Variants in MAP4K4 observed in about 807,000 individuals in gnomAD.
MAP4K4 encodes mitogen-activated protein kinase kinase kinase kinase 4, also known as HPK/GCK-like kinase HGK.
A neutral mutation model predicts 189.6 loss-of-function variants in MAP4K4; 38 were observed. The observed-to-expected ratio is 0.20, with a 90% CI of 0.15 to 0.26. The LOEUF is 0.26. MAP4K4 is among the 10% of genes least tolerant of loss of function. The pLI, the probability that MAP4K4 is intolerant of heterozygous loss-of-function variation, is 1.00. For missense variants in MAP4K4, 1,054 were observed against 1,726.9 expected, an observed-to-expected ratio of 0.61 and a Z score of 6.91; for synonymous variants, 610 against 624.3, an observed-to-expected ratio of 0.98 and a Z score of 0.34.
chr2:101,769,332 G>C (rs1275998005), intron 2 of MAP4K4, among the ~76,000 whole-genome samples: 3 of 152,140 alleles, frequency 2.0e-5, no homozygotes, highest in Non-Finnish European at 4.4e-5. Context: ...GCAAGGTAAG[G>C]TCCCTGGCCT....
chr2:101,887,994 C>A, intron 31 of MAP4K4, 57 bp downstream of exon 31: 1 of 1,453,678 alleles, frequency 6.9e-7, no homozygotes, highest in East Asian at 2.3e-5. Flanking sequence ...GTCTGAGACT[C>A]CATTTATTTA....
intron 2 of MAP4K4, among the ~76,000 whole-genome samples, chr2:101,706,178 C>A (rs114279680): frequency 6.6e-6 from 1 of 152,134 alleles, no homozygotes; most frequent in African/African-American, 2.4e-5. Flanking sequence ...GCTGCTACAT[C>A]TGAAATTTAT....
At chr2:101,828,572 C>G (rs2096466290) in intron 5 of MAP4K4, among the ~76,000 whole-genome samples, 1 of 152,154 alleles carries the variant, frequency 6.6e-6, no homozygotes, top group Non-Finnish European at 1.5e-5. Context: ...AATTAGTATT[C>G]TAGAGGAGCT....
chr2:101,758,961 G>C (rs939206463), intron 2 of MAP4K4, among the ~76,000 whole-genome samples: 1 of 151,690 alleles, frequency 6.6e-6, no homozygotes, highest in East Asian at 1.9e-4. Flanking sequence ...GTGAAACCGC[G>C]TCTCTACTAA....
At chr2:101,871,465 C>T (rs1241357930) in intron 23 of MAP4K4, 29 bp from the exon 24 acceptor site, 14 of 1,505,982 alleles carry the variant, frequency 9.3e-6, no homozygotes, top group Admixed American at 2.0e-5. Flanking sequence ...AGCGCTTGAG[C>T]GAGACAAGTG....
chr2:101,740,801 C>G (rs997816031), intron 2 of MAP4K4, among the ~76,000 whole-genome samples: 44 of 152,162 alleles, frequency 2.9e-4, no homozygotes, highest in Non-Finnish European at 4.1e-4. Context: ...GGGAAGGAAA[C>G]ATGTCTGTTG....
intron 12 of MAP4K4, among the ~76,000 whole-genome samples, chr2:101,852,853 T>C (rs1200989878): frequency 6.6e-6 from 1 of 152,134 alleles, no homozygotes; most frequent in Non-Finnish European, 1.5e-5. Context: ...GGGAAAAAAC[T>C]GAGTATGTGG....
rs556994122 is a variant in MAP4K4 at position 101,737,949 on chromosome 2, T to C, written c.123+39411T>C. 2.6e-5 allele frequency among the ~76,000 whole-genome samples: 4 copies of C among 152,282 alleles called. No homozygotes were observed. The East Asian group carries it at 7.7e-4, about 29-fold the overall frequency. ...TAATATTTATTGATCCTCTGTTCTGTGGCAGGCTCTGGAAGTATTTTGAGA... is the reference window on the plus strand; with the variant it reads ...TAATATTTATTGATCCTCTGTTCTGCGGCAGGCTCTGGAAGTATTTTGAGA... On this transcript the variant is annotated intron_variant, in intron 2 of 32. Coordinates refer to ENST00000324219, the Ensembl canonical transcript of MAP4K4.
At chr2:101,772,989 T>C (rs2082210748) in intron 2 of MAP4K4, among the ~76,000 whole-genome samples, 1 of 152,210 alleles carries the variant, frequency 6.6e-6, no homozygotes, top group Non-Finnish European at 1.5e-5. Flanking sequence ...CATTGGGTTT[T>C]CAGAAAGTGG....
Position 101,859,624 on chromosome 2 carries a change from T to TATCCTC in MAP4K4, c.1483-18_1483-13dup. ...CTCCAGTGTCCCATAGATTTAGTGT[T>TATCCTC]ATCCTCTCCCTCTCCAAGGAGTGCC... On this transcript the variant is annotated intron_variant, in intron 14 of 32. Coordinates refer to ENST00000324219, the Ensembl canonical transcript of MAP4K4. The TATCCTC allele has an allele frequency of 1.3e-6, 2 of 1,568,494 alleles. No individual in the cohort carries two copies. Among genetic ancestry groups the TATCCTC allele is most frequent in the Non-Finnish European group, 1.7e-6 (2 of 1,150,336 alleles).
chr2:101,708,825 C>G (rs2043846416), intron 2 of MAP4K4, among the ~76,000 whole-genome samples: 1 of 152,164 alleles, frequency 6.6e-6, no homozygotes, highest in Non-Finnish European at 1.5e-5. Flanking sequence ...TATTAATTTG[C>G]CTTTTTTGAA....
At chr2:101,807,400 C>T (rs965529153) in intron 3 of MAP4K4, among the ~76,000 whole-genome samples, 1 of 151,982 alleles carries the variant, frequency 6.6e-6, no homozygotes, top group Admixed American at 6.6e-5. Flanking sequence ...CATGGCACTC[C>T]TGTATGATGA....
exon 33 of MAP4K4, chr2:101,892,235 A>G (rs566503265): frequency 6.6e-6 from 1 of 152,658 alleles, no homozygotes; most frequent in Admixed American, 6.6e-5. Flanking sequence ...TAATGCATTG[A>G]GAGGTGATTT....
At chr2:101,818,726 C>A (rs1420932025) in intron 3 of MAP4K4, among the ~76,000 whole-genome samples, 5 of 152,170 alleles carry the variant, frequency 3.3e-5, no homozygotes, top group East Asian at 1.9e-4. Flanking sequence ...ATGTTCTCCA[C>A]CCCCACCCTC....
chr2:101,756,434 G>GA (rs1234287502), intron 2 of MAP4K4, among the ~76,000 whole-genome samples: 2 of 152,154 alleles, frequency 1.3e-5, no homozygotes, highest in African/African-American at 4.8e-5. Context: ...GGTAGTAGTT[G>GA]AAAAATACTG....
chr2:101,877,446 G>A (rs2150134598), intron 27 of MAP4K4, among the ~76,000 whole-genome samples: 1 of 150,334 alleles, frequency 6.7e-6, no homozygotes, highest in African/African-American at 2.4e-5. Flanking sequence ...TGTCCAATAT[G>A]TAGGTCTGTG....
intron 27 of MAP4K4, among the ~76,000 whole-genome samples, chr2:101,877,949 C>T (rs2098261896): frequency 1.3e-5 from 2 of 152,052 alleles, no homozygotes; most frequent in Admixed American, 6.6e-5. Context: ...CAGGGTTTCA[C>T]CATGTTAGCC....
intron 3 of MAP4K4, among the ~76,000 whole-genome samples, chr2:101,811,928 G>A (rs1047328120): frequency 1.3e-5 from 2 of 152,064 alleles, no homozygotes; most frequent in Non-Finnish European, 2.9e-5. Flanking sequence ...TTGGTGAATG[G>A]CCTTTCAGGG....
intron 2 of MAP4K4, among the ~76,000 whole-genome samples, chr2:101,721,941 T>C (rs1010484799): frequency 9.2e-5 from 14 of 152,212 alleles, no homozygotes; most frequent in African/African-American, 2.7e-4. Context: ...CTTCAGCTGA[T>C]AGCAACTTCT....
Sources: gnomAD v4.1 joint callset for allele counts (sites outside exome capture counted in the v4.1 genomes callset) on GRCh38, gnomAD v4.1.1 for gene constraint, MANE v1.5 for transcripts, NCBI Gene and HGNC (gene_info 2026-07-23, HGNC 2026-07-21) for gene names.